Variants in ADAMTS5 observed in about 807,000 individuals in gnomAD.
ADAMTS5 encodes the protein ADAM metallopeptidase with thrombospondin type 1 motif 5, also known as A disintegrin and metalloproteinase with thrombospondin motifs 5.
A neutral mutation model predicts 81.4 loss-of-function variants in ADAMTS5; 54 were observed. That is an observed-to-expected ratio of 0.66 (90% CI 0.53 to 0.83). ADAMTS5 has a LOEUF of 0.83. ADAMTS5 is among the 40% of genes least tolerant of loss of function. ADAMTS5 has a pLI of 0.00. For synonymous variants in ADAMTS5, 532 were observed against 508.8 expected, an observed-to-expected ratio of 1.05 and a Z score of -0.61; for missense variants, 1,194 against 1,229.9, an observed-to-expected ratio of 0.97 and a Z score of 0.44.
rs1274224988 is a variant in ADAMTS5 at position 26,966,373 on chromosome 21, A to C, written c.19T>G (p.Ser7Ala). The change falls in exon 1 of 8, where the codon TCC (serine) becomes GCC (alanine). Residue 7 changes from serine (S) to alanine (A), a missense_variant. Transcript: ENST00000284987. MLLGWA[S>A]LLLCAFRLPL... ...AGGCGGAACGCGCACAGCAGCAGGGACGCCCACCCGAGCAGCATAGTGCGC... is the reference window on the plus strand; with the variant it reads ...AGGCGGAACGCGCACAGCAGCAGGGCCGCCCACCCGAGCAGCATAGTGCGC... 7.4e-6 allele frequency: 11 copies of C among 1,492,498 alleles called. No homozygotes were observed. The highest frequency in any genetic ancestry group is 9.7e-6 in the Non-Finnish European group (11 of 1,130,894). 92.5% of individuals were successfully genotyped at this position (1,492,498 alleles called of 1,614,324 possible). A position where few individuals can be genotyped will look rare whatever the true frequency, so the allele number is the denominator to read the frequency against.
In ADAMTS5 at chr21:26,934,623, A is replaced by C. The variant is rs201879333; in HGVS notation, c.1532T>G (p.Met511Arg). ...FGPEYSVCPG[M>R]DVCARLWCAV... ...ACACCACAGGCGAGCACAGACATCC[A>C]TGCCGGGACACACGGAGTACTCAGG... The change falls in exon 4 of 8, where the codon ATG becomes AGG. Residue 511 changes from methionine (M) to arginine (R), a missense_variant. Physicochemically the swap from Met to Arg is moderately conservative, Grantham distance 91. Transcript: ENST00000284987. 7 of 1,614,166 alleles carry C rather than the reference A, an allele frequency of 4.3e-6. No individual in the cohort carries two copies.
At chr21:26,954,176 T>TA (rs1987374794) in intron 2 of ADAMTS5, 1 of 152,194 alleles carries the variant, frequency 6.6e-6, no homozygotes, top group South Asian at 2.1e-4. Flanking sequence ...ATGTGTTTCT[T>TA]ACAACAAACA....
rs761965103 is a variant in ADAMTS5 at position 26,966,241 on chromosome 21, C to A, written c.151G>T (p.Val51Leu). The change falls in exon 1 of 8, where the codon GTG becomes TTG. Residue 51 changes from valine to leucine, a missense_variant. Val to Leu is a conservative substitution (Grantham distance 32). Coordinates refer to ENST00000284987, the MANE Select transcript of ADAMTS5 (RefSeq NM_007038.5). ...CCGGGAGGCTCGGCTCGCTCCTGCACCTCCTCCCCCTGCCGCCGGCGGGGC... is the reference window on the plus strand; with the variant it reads ...CCGGGAGGCTCGGCTCGCTCCTGCAACTCCTCCCCCTGCCGCCGGCGGGGC... The part of the protein sequence containing the change: ...AQPRRRQGEE[V>L]QERAEPPGHP... 1 of 1,600,362 alleles carries A rather than the reference C, an allele frequency of 6.2e-7. No individual in the cohort carries two copies. Among genetic ancestry groups the A allele is most frequent in the Non-Finnish European group, 8.5e-7 (1 of 1,175,530 alleles).
At position 26,966,045 on chromosome 21, in the gene ADAMTS5, G is replaced by A. The variant is rs1414815962; in HGVS notation, c.347C>T (p.Ala116Val). 6.2e-7 allele frequency: 1 copy of A among 1,613,236 alleles called. No individual in the cohort carries two copies. Among genetic ancestry groups the A allele is most frequent in the Admixed American group, 1.7e-5 (1 of 60,026 alleles). ...GSVGIAGFVP[A>V]GGGTSAPWRH... ...CCAGGGCGCACTCGTCCCGCCTCCTGCGGGCACGAAGCCAGCAATGCCCAC... is the reference window on the plus strand; with the variant it reads ...CCAGGGCGCACTCGTCCCGCCTCCTACGGGCACGAAGCCAGCAATGCCCAC... The change falls in exon 1 of 8, where the codon GCA becomes GTA. Residue 116 changes from alanine (A) to valine (V), a missense_variant. Coordinates refer to ENST00000284987, the MANE Select transcript of ADAMTS5 (RefSeq NM_007038.5).
intron 3 of ADAMTS5, 135 bp downstream of exon 3, chr21:26,943,245 G>T: frequency 2.3e-6 from 2 of 868,112 alleles, no homozygotes; most frequent in Non-Finnish European, 3.4e-6. Flanking sequence ...CAATTTTCTT[G>T]GTCTTTCTTC....
intron 3 of ADAMTS5, among the ~76,000 whole-genome samples, chr21:26,935,698 C>T (rs1987001252): frequency 6.6e-6 from 1 of 151,986 alleles, no homozygotes; most frequent in Admixed American, 6.6e-5. Flanking sequence ...GATGAGAATC[C>T]AAAACCTTAA....
At position 26,921,545 on chromosome 21, in the gene ADAMTS5, C is replaced by A. The variant is rs775622619; in HGVS notation, c.*2508G>T. On this transcript the variant is annotated 3_prime_UTR_variant, in exon 8 of 8. Coordinates refer to ENST00000284987, the MANE Select transcript of ADAMTS5 (RefSeq NM_007038.5). ...AACAATGGAAAGGTGAAAGACAGTA[C>A]GAAGTCAAAGTGGACTGACTTAGAT... The A allele has an allele frequency of 6.6e-6, 1 of 150,894 alleles. No individual in the cohort carries two copies. The allele number at this position is 150,894 out of a possible 1,614,324, so 9.3% of individuals were successfully genotyped here. A position where few individuals can be genotyped will look rare whatever the true frequency, so the allele number is the denominator to read the frequency against.
intron 2 of ADAMTS5, among the ~76,000 whole-genome samples, chr21:26,949,027 T>C (rs1987267703): frequency 1.3e-5 from 2 of 152,250 alleles, no homozygotes; most frequent in African/African-American, 2.4e-5. Context: ...GATTAGAATA[T>C]GTGCTTGACA....
In ADAMTS5 at chr21:26,965,889, A is replaced by G. The variant is rs938924886; in HGVS notation, c.503T>C (p.Leu168Pro). 11 of 1,613,876 alleles carry G rather than the reference A, an allele frequency of 6.8e-6. No homozygotes were observed. Among genetic ancestry groups the G allele is most frequent in the East Asian group, 2.2e-5 (1 of 44,850 alleles). Residue 168 changes from leucine to proline, a missense_variant, in exon 1 of 8, where the codon CTG becomes CCG. Leu to Pro is a moderately conservative substitution (Grantham distance 98, BLOSUM62 -3). Around this residue, in one of 2 missense-constraint regions of ADAMTS5, gnomAD observed 498 missense variants for 412.3 expected, o/e 1.21. Coordinates refer to ENST00000284987, the MANE Select transcript of ADAMTS5 (RefSeq NM_007038.5). Reference sequence around the variant, plus strand: ...TTCCTCCGCCCAGGGTCCGCGCAGCAGTGGCTTTAGGGTGTAGCGCGCGTG... The same window carrying G: ...TTCCTCCGCCCAGGGTCCGCGCAGCGGTGGCTTTAGGGTGTAGCGCGCGTG... The part of the protein sequence containing the change: ...VKHARYTLKP[L>P]LRGPWAEEEK...
At chr21:26,925,571 C>T (rs936984186) in intron 7 of ADAMTS5, among the ~76,000 whole-genome samples, 4 of 152,136 alleles carry the variant, frequency 2.6e-5, no homozygotes, top group African/African-American at 4.8e-5. Flanking sequence ...GGTGAAATGA[C>T]GAGTCAACTT....
intron 3 of ADAMTS5, among the ~76,000 whole-genome samples, chr21:26,942,901 G>C (rs908047008): frequency 6.6e-6 from 1 of 152,142 alleles, no homozygotes; most frequent in Non-Finnish European, 1.5e-5. Flanking sequence ...CTTCTAGTCA[G>C]TGCAAATCTA....
In ADAMTS5 at chr21:26,934,637, G is replaced by A. The variant is rs763010212; in HGVS notation, c.1518C>T (p.Ser506=). 27 of 1,614,122 alleles carry A rather than the reference G, an allele frequency of 1.7e-5. No individual in the cohort carries two copies. The highest frequency in any genetic ancestry group is 1.5e-4 in the Admixed American group (9 of 60,024). The change falls in exon 4 of 8, where the codon TCC becomes TCT. Residue 506 remains serine, a synonymous_variant. Coordinates refer to ENST00000284987, the MANE Select transcript of ADAMTS5 (RefSeq NM_007038.5). ...QCNLTFGPEY[S]VCPGMDVCAR... ...CACAGACATCCATGCCGGGACACAC[G>A]GAGTACTCAGGCCCGAATGTCAGGT...
intron 1 of ADAMTS5, among the ~76,000 whole-genome samples, chr21:26,956,086 G>C (rs945590681): frequency 6.6e-6 from 1 of 152,230 alleles, no homozygotes; most frequent in Admixed American, 6.5e-5. Flanking sequence ...TTAATATGCT[G>C]TATGCCAGCA....
intron 2 of ADAMTS5, among the ~76,000 whole-genome samples, chr21:26,949,155 C>A (rs1044901122): frequency 1.5e-5 from 2 of 132,978 alleles, no homozygotes; most frequent in Non-Finnish European, 3.3e-5. Context: ...ATATATATAT[C>A]ACACATATAT....
intron 2 of ADAMTS5, among the ~76,000 whole-genome samples, chr21:26,948,927 G>A (rs952129366): frequency 6.6e-6 from 1 of 152,110 alleles, no homozygotes; most frequent in African/African-American, 2.4e-5. Context: ...TACCCTGTGT[G>A]TTAGCTTCAT....
At chr21:26,944,451 A>G (rs1465719977) in intron 2 of ADAMTS5, among the ~76,000 whole-genome samples, 1 of 152,210 alleles carries the variant, frequency 6.6e-6, no homozygotes, top group Non-Finnish European at 1.5e-5. Context: ...TTATAATCCA[A>G]GTAAATTGCT....
chr21:26,959,380 A>G (rs1987484018), intron 1 of ADAMTS5, among the ~76,000 whole-genome samples: 1 of 152,202 alleles, frequency 6.6e-6, no homozygotes, highest in Non-Finnish European at 1.5e-5. Context: ...ATTCCAATTT[A>G]TAAAGAAATT....
chr21:26,944,861 T>G (rs1489974448), intron 2 of ADAMTS5, among the ~76,000 whole-genome samples: 1 of 152,124 alleles, frequency 6.6e-6, no homozygotes, highest in Non-Finnish European at 1.5e-5. Context: ...ACTGAGCAAC[T>G]GACTGCTGTT....
intron 1 of ADAMTS5, among the ~76,000 whole-genome samples, chr21:26,959,346 C>G (rs771886061): frequency 2.6e-5 from 4 of 152,164 alleles, no homozygotes; most frequent in Non-Finnish European, 4.4e-5. Flanking sequence ...TCCAGCTACA[C>G]ATGTCCTGAT....
Sources: gnomAD v4.1 joint callset for allele counts (sites outside exome capture counted in the v4.1 genomes callset) on GRCh38, gnomAD v4.1.1 for gene constraint, gnomAD v4.1.1 regional missense constraint, MANE v1.5 for transcripts, NCBI Gene and HGNC (gene_info 2026-07-23, HGNC 2026-07-21) for gene names.